PREX2: variants seen among roughly 807,000 people sequenced by gnomAD.
The protein encoded by PREX2 is phosphatidylinositol 3,4,5-trisphosphate-dependent Rac exchanger 2 protein.
A neutral mutation model predicts 203.2 loss-of-function variants in PREX2; 107 were observed. The observed-to-expected ratio is 0.53, with a 90% CI of 0.45 to 0.62. The LOEUF is 0.62. Among genes scored for constraint, PREX2 ranks in the 20% least tolerant of loss-of-function variants. The pLI is 0.00. For synonymous variants in PREX2, 672 were observed against 663.6 expected (o/e 1.01, Z -0.19); for missense variants, 1,777 against 1,955.9 (o/e 0.91, Z 1.72).
intron 23 of PREX2, chr8:68,101,243 A>T: frequency 2.2e-6 from 1 of 451,864 alleles, no homozygotes; most frequent in Non-Finnish European, 4.4e-6. Context: ...GAGAATAGGG[A>T]TGTGTGTAAA....
intron 37 of PREX2, among the ~76,000 whole-genome samples, chr8:68,193,685 A>T (rs1258660642): frequency 6.6e-6 from 1 of 152,248 alleles, no homozygotes; most frequent in Admixed American, 6.5e-5. Flanking sequence ...TAGGAAAGTT[A>T]CAGCTAAAGA....
chr8:68,058,311 A>G (rs1223541132), intron 10 of PREX2, among the ~76,000 whole-genome samples: 3 of 152,352 alleles, frequency 2.0e-5, no homozygotes, highest in Middle Eastern at 6.8e-3. Flanking sequence ...TCTTAGTTAC[A>G]TAACAACTAT....
intron 35 of PREX2, among the ~76,000 whole-genome samples, chr8:68,187,623 ATACTATTTTT>A (rs1417748836): frequency 6.6e-6 from 1 of 152,226 alleles, no homozygotes; most frequent in East Asian, 1.9e-4. Context: ...TGTGACTTGT[ATACTATTTTT>A]TACCACATTG....
chr8:67,986,901 C>T (rs747892491), intron 1 of PREX2, among the ~76,000 whole-genome samples: 4 of 152,158 alleles, frequency 2.6e-5, no homozygotes, highest in East Asian at 1.9e-4. Flanking sequence ...GATGGTGGCT[C>T]ACAGCTGTAA....
chr8:68,160,938 T>G lies in PREX2; in HGVS notation c.4346+3502T>G, dbSNP rs183147671. On this transcript the variant is annotated intron_variant, in intron 35 of 39. Transcript: ENST00000288368. ...ATCCTATTCAAAAGAAAATACCAAGTTCTACCTTTGCATCAGTGTATTATT... is the reference window on the plus strand; with the variant it reads ...ATCCTATTCAAAAGAAAATACCAAGGTCTACCTTTGCATCAGTGTATTATT... Among the ~76,000 whole-genome samples, 4 of 152,274 alleles carry G rather than the reference T, an allele frequency of 2.6e-5. No homozygotes were observed. In the East Asian group the frequency reaches 5.8e-4, roughly 22 times the overall value.
At chr8:68,081,356 G>A (rs1809516483) in intron 17 of PREX2, among the ~76,000 whole-genome samples, 1 of 152,136 alleles carries the variant, frequency 6.6e-6, no homozygotes, top group African/African-American at 2.4e-5. Flanking sequence ...TGTGCGTCTG[G>A]TTCCTGTCAG....
chr8:68,115,429 A>G (rs1231791257), intron 25 of PREX2, among the ~76,000 whole-genome samples: 1 of 152,230 alleles, frequency 6.6e-6, no homozygotes, highest in African/African-American at 2.4e-5. Context: ...CACAGCAGTC[A>G]TGGAAGCCAG....
intron 39 of PREX2, among the ~76,000 whole-genome samples, chr8:68,230,512 G>T (rs1813147834): frequency 6.6e-6 from 1 of 152,200 alleles, no homozygotes; most frequent in Admixed American, 6.5e-5. Context: ...ATATGGCCTT[G>T]AGATCACTAG....
At position 68,027,288 on chromosome 8, in the gene PREX2, A is replaced by G; in HGVS notation, c.508A>G (p.Ile170Val). 3 of 1,610,580 alleles carry G rather than the reference A, an allele frequency of 1.9e-6. No homozygotes were observed. The highest frequency in any genetic ancestry group is 1.7e-6 in the Non-Finnish European group (2 of 1,177,030). Residue 170 changes from isoleucine to valine, a missense_variant, in exon 5 of 40, where the codon ATA (isoleucine) becomes GTA (valine). Physicochemically the swap from Ile to Val is conservative, Grantham distance 29. Transcript: ENST00000288368. ...VPLEGYLVTP[I>V]QRICKYPLIL... ...CTTGGAAGGATATTTAGTAACACCA[A>G]TACAAAGAATATGCAAGTACCCTCT... is the stretch of plus-strand genomic sequence containing the variant.
intron 32 of PREX2, 51 bp from the exon 33 acceptor site, chr8:68,138,364 T>C: frequency 1.0e-6 from 1 of 967,416 alleles, no homozygotes; most frequent in Non-Finnish European, 1.5e-6. Context: ...CATGTTACGT[T>C]ATATTGCTTT....
intron 1 of PREX2, among the ~76,000 whole-genome samples, chr8:67,998,892 C>T (rs1310188410): frequency 6.6e-6 from 1 of 152,218 alleles, no homozygotes; most frequent in African/African-American, 2.4e-5. Flanking sequence ...TGAGAAGAGC[C>T]ATAGGTCCTT....
intron 2 of PREX2, 110 bp downstream of exon 2, chr8:68,018,027 G>A: frequency 1.3e-6 from 1 of 763,602 alleles, no homozygotes; most frequent in South Asian, 1.5e-5. Flanking sequence ...TCCACTACAA[G>A]TTGCTGTTCC....
chr8:68,050,746 A>G (rs1281958307), intron 8 of PREX2, among the ~76,000 whole-genome samples: 2 of 152,200 alleles, frequency 1.3e-5, no homozygotes, highest in African/African-American at 2.4e-5. Flanking sequence ...CACAGGCTCA[A>G]TTGGTCAGGC....
intron 1 of PREX2, among the ~76,000 whole-genome samples, chr8:67,992,138 G>T (rs996255740): frequency 3.3e-5 from 5 of 152,092 alleles, no homozygotes; most frequent in African/African-American, 1.2e-4. Flanking sequence ...CTTGCTCTTT[G>T]TCTAGTATAT....
At position 68,080,588 on chromosome 8, in the gene PREX2, A is replaced by C; in HGVS notation, c.1785+3A>C. The C allele has an allele frequency of 6.3e-7, 1 of 1,591,336 alleles. No homozygotes were observed. The highest frequency in any genetic ancestry group is 8.6e-7 in the Non-Finnish European group (1 of 1,164,028). Reference sequence around the variant, plus strand: ...ATGTTATAGCTAAGTCATTATTGGTAAGTTTATTGATATGTTATATAAGTT... The same window carrying C: ...ATGTTATAGCTAAGTCATTATTGGTCAGTTTATTGATATGTTATATAAGTT... On this transcript the variant is annotated splice_donor_region_variant and intron_variant, in intron 16 of 39. Transcript: ENST00000288368.
chr8:68,019,731 CT>C (rs1351329297), intron 3 of PREX2, 60 bp downstream of exon 3: 1 of 1,501,820 alleles, frequency 6.7e-7, no homozygotes, highest in Non-Finnish European at 9.1e-7. Flanking sequence ...AGATTTAGCT[CT>C]TGGCATAGTG....
chr8:68,024,352 T>G (rs1807653207), intron 4 of PREX2, among the ~76,000 whole-genome samples: 1 of 152,074 alleles, frequency 6.6e-6, no homozygotes, highest in Non-Finnish European at 1.5e-5. Flanking sequence ...TGCTGTATTT[T>G]GGGACTCTGT....
At chr8:68,030,729 C>A in intron 6 of PREX2, 71 bp downstream of exon 6, 2 of 1,436,272 alleles carry the variant, frequency 1.4e-6, no homozygotes, top group South Asian at 1.2e-5. Flanking sequence ...GAATTACTGG[C>A]GTTGGATGGA....
intron 35 of PREX2, among the ~76,000 whole-genome samples, chr8:68,160,287 G>T (rs892083402): frequency 6.6e-6 from 1 of 152,098 alleles, no homozygotes; most frequent in African/African-American, 2.4e-5. Context: ...TCTTTTAGAA[G>T]ATGCATCAGA....
Sources: allele counts gnomAD v4.1 joint callset (sites outside exome capture counted in the v4.1 genomes callset), GRCh38; gene constraint gnomAD v4.1.1; transcripts MANE v1.5; gene names NCBI Gene and HGNC (gene_info 2026-07-23, HGNC 2026-07-21).